The following KCNQ1 variants were observed in gnomAD, a reference collection of about 807,000 sequenced individuals.
KCNQ1 encodes the protein potassium voltage-gated channel subfamily Q member 1.
KCNQ1 carries 49 observed loss-of-function variants against 72.4 expected under a neutral mutation model. The ratio of observed to expected loss-of-function variants is 0.68; its 90% confidence interval spans 0.54 to 0.86. The LOEUF (loss-of-function observed/expected upper bound fraction) is 0.86, where lower values mean the gene tolerates loss of function less well. KCNQ1 is among the 40% of genes least tolerant of loss of function. KCNQ1 has a pLI of 0.00. For missense variants in KCNQ1, 790 were observed against 945.1 expected (o/e 0.84, Z 2.15); for synonymous variants, 450 against 412.6 (o/e 1.09, Z -1.10).
intron 10 of KCNQ1, chr11:2,614,271 C>T: frequency 2.5e-6 from 1 of 398,566 alleles, no homozygotes; most frequent in African/African-American, 2.1e-5. Context: ...GACATGTGTT[C>T]TCCATGTTGA....
chr11:2,733,857 C>CTCTCTCTCTCT lies in KCNQ1; in HGVS notation c.1515-34987_1515-34986insTCTCTCTCTCT, dbSNP rs147278439. ...TCTCTCTCTCTCTCTCTCTCTCTCT[C>CTCTCTCTCTCT]CCCCCCCACTTCAGGGCCTTCGCGC... is the stretch of plus-strand genomic sequence containing the variant. On this transcript the variant is annotated intron_variant, in intron 11 of 15. Transcript: ENST00000155840. Among the ~76,000 whole-genome samples, 62 of 76,342 alleles carry CTCTCTCTCTCT rather than the reference C, an allele frequency of 8.1e-4. 1 individual carries two copies. The highest frequency in any genetic ancestry group is 1.0e-3 in the African/African-American group (17 of 16,460). The allele number at this position is 76,342 out of a possible 152,430, so 50.1% of individuals were successfully genotyped here.
Position 2,606,892 on chromosome 11 carries a change from ATTTTTT to A in KCNQ1, c.1393+18061_1393+18066del, listed in dbSNP as rs869121696. Among the ~76,000 whole-genome samples, 205 of 82,758 alleles carry A rather than the reference ATTTTTT, an allele frequency of 2.5e-3. 1 individual carries two copies. Among genetic ancestry groups the A allele is most frequent in the Middle Eastern group, 0.015 (2 of 130 alleles). The allele number at this position is 82,758 out of a possible 152,430, so 54.3% of individuals were successfully genotyped here. ...ACTGTTAAGTATGATATTATCTGTG[ATTTTTT>A]TTTTTTTTTTTTTTTTTTTTTTGAG... On this transcript the variant is annotated intron_variant, in intron 10 of 15. Transcript: ENST00000155840.
rs370487443 is a variant in KCNQ1, at chr11:2,664,191, G to A, written c.1514+2110G>A. 5.0e-6 allele frequency: 2 copies of A among 398,612 alleles called. No homozygotes were observed. Among genetic ancestry groups the A allele is most frequent in the East Asian group, 3.6e-5 (1 of 28,082 alleles). The allele number at this position is 398,612 out of a possible 1,614,324, so 24.7% of individuals were successfully genotyped here. A position where few individuals can be genotyped will look rare whatever the true frequency, so the allele number is the denominator to read the frequency against. ...TGGCTGCTAGATATGAGCCAGCCTG[G>A]GAAGGCAGGAAGGAGCCCAGGCATG... On this transcript the variant is annotated intron_variant, in intron 11 of 15. Transcript: ENST00000155840. The surrounding 1 kb of genome is among the most constrained non-coding windows in gnomAD (Gnocchi z 5.1).
chr11:2,841,606 G>T (rs572279040), intron 15 of KCNQ1, among the ~76,000 whole-genome samples: 1 of 152,226 alleles, frequency 6.6e-6, no homozygotes, highest in Non-Finnish European at 1.5e-5. Context: ...CTGAGCTCCC[G>T]CTGGGACACG....
chr11:2,500,590 C>T (rs922151259), intron 1 of KCNQ1, among the ~76,000 whole-genome samples: 3 of 152,076 alleles, frequency 2.0e-5, no homozygotes, highest in South Asian at 2.1e-4. Flanking sequence ...TTTATTGCAC[C>T]ACTATTCACA....
In KCNQ1 at chr11:2,477,251, T is replaced by C. The variant is rs113021112; in HGVS notation, c.386+31767T>C. On this transcript the variant is annotated intron_variant, in intron 1 of 15. Transcript: ENST00000155840. This position sits in a 1 kb window ranked among gnomAD's most constrained non-coding sequence, Gnocchi z 5.0. ...TTCAAGGCAGGATGGAGATACCGTATGGGCATTCACTGGACAGTGTTTTCA... is the reference window on the plus strand; with the variant it reads ...TTCAAGGCAGGATGGAGATACCGTACGGGCATTCACTGGACAGTGTTTTCA... 3.3e-3 allele frequency among the ~76,000 whole-genome samples: 506 copies of C among 152,336 alleles called. 2 individuals carry two copies. Among genetic ancestry groups the C allele is most frequent in the African/African-American group, 0.011 (476 of 41,580 alleles).
chr11:2,627,330 T>C lies in KCNQ1; in HGVS notation c.1394-34631T>C. 1 of 398,546 alleles carries C rather than the reference T, an allele frequency of 2.5e-6. No individual in the cohort carries two copies. 24.7% of individuals were successfully genotyped at this position (398,546 alleles called of 1,614,324 possible). A position where few individuals can be genotyped will look rare whatever the true frequency, so the allele number is the denominator to read the frequency against. On this transcript the variant is annotated intron_variant, in intron 10 of 15. Transcript: ENST00000155840. The surrounding 1 kb of genome is among the most constrained non-coding windows in gnomAD (Gnocchi z 4.9). ...TGTGCGTGTGTGTGGTCAGAATACCTAAGCTATACTCTCTTAGCAAATTCC... is the reference window on the plus strand; with the variant it reads ...TGTGCGTGTGTGTGGTCAGAATACCCAAGCTATACTCTCTTAGCAAATTCC...
chr11:2,519,716 C>G (rs1375315521), intron 1 of KCNQ1, among the ~76,000 whole-genome samples: 1 of 152,190 alleles, frequency 6.6e-6, no homozygotes, highest in Non-Finnish European at 1.5e-5. Context: ...AATTCAAAAT[C>G]TACCAATAGT....
chr11:2,587,901 C>T lies in KCNQ1; in HGVS notation c.1251+209C>T, dbSNP rs545805070. Among the ~76,000 whole-genome samples the T allele has an allele frequency of 3.3e-3, 502 of 152,274 alleles. No homozygotes were observed. The highest frequency in any genetic ancestry group is 6.8e-3 in the Middle Eastern group (2 of 294). ...CCCCCGACTTGGGGGTATGTAGGAC[C>T]GGTCATTCCAGGGCCAGGGCATGAG... On this transcript the variant is annotated intron_variant, in intron 9 of 15. Coordinates refer to ENST00000155840, the MANE Select transcript of KCNQ1 (RefSeq NM_000218.3).
At position 2,597,006 on chromosome 11, in the gene KCNQ1, C is replaced by T. The variant is rs145541388; in HGVS notation, c.1393+8152C>T. 5.8e-3 allele frequency among the ~76,000 whole-genome samples: 881 copies of T among 152,190 alleles called. 5 individuals carry two copies. Among genetic ancestry groups the T allele is most frequent in the Non-Finnish European group, 9.5e-3 (646 of 67,994 alleles). ...GGCTAATTTAATTGCTATATAAAAA[C>T]GCTCTTGTAAATCAAGATAGAAGTT... On this transcript the variant is annotated intron_variant, in intron 10 of 15. Transcript: ENST00000155840.
rs749386491 is a variant in KCNQ1 at position 2,759,068 on chromosome 11, C to T, written c.1515-9776C>T. ...TTACTCCACCCATGCAAGGTGTGAC[C>T]GTCGCGAACTCACGTAGAGGGCATA... On this transcript the variant is annotated intron_variant, in intron 11 of 15. Coordinates refer to ENST00000155840, the MANE Select transcript of KCNQ1 (RefSeq NM_000218.3). The surrounding 1 kb of genome is among the most constrained non-coding windows in gnomAD (Gnocchi z 4.4). Among the ~76,000 whole-genome samples, 10 of 151,902 alleles carry T rather than the reference C, an allele frequency of 6.6e-5. No homozygotes were observed. Among genetic ancestry groups the T allele is most frequent in the Non-Finnish European group, 1.2e-4 (8 of 68,010 alleles).
Position 2,824,771 on chromosome 11 carries a change from C to T in KCNQ1, c.1795-22996C>T, listed in dbSNP as rs528401171. Among the ~76,000 whole-genome samples, 3 of 144,186 alleles carry T rather than the reference C, an allele frequency of 2.1e-5. No individual in the cohort carries two copies. The highest frequency in any genetic ancestry group is 6.8e-5 in the Admixed American group (1 of 14,746). The allele number at this position is 144,186 out of a possible 152,430, so 94.6% of individuals were successfully genotyped here. On this transcript the variant is annotated intron_variant, in intron 15 of 15. Coordinates refer to ENST00000155840, the MANE Select transcript of KCNQ1 (RefSeq NM_000218.3). The surrounding 1 kb of genome is among the most constrained non-coding windows in gnomAD (Gnocchi z 5.9). ...CCCCGGGACAGCTTTGAGGAAGGAA[C>T]GTCCCCTGGGTTCCACACCACAGAG... is the stretch of plus-strand genomic sequence containing the variant.
At chr11:2,570,447 A>G (rs923767415) in intron 2 of KCNQ1, among the ~76,000 whole-genome samples, 181 bp from the exon 3 acceptor site, 2 of 152,308 alleles carry the variant, frequency 1.3e-5, no homozygotes, top group Admixed American at 1.3e-4. Context: ...GAAGCTGCTC[A>G]GCCTTCCAGG....
intron 15 of KCNQ1, among the ~76,000 whole-genome samples, chr11:2,807,956 C>T (rs950377392): frequency 4.6e-5 from 7 of 152,202 alleles, no homozygotes; most frequent in African/African-American, 1.7e-4. Context: ...CTCCTGGAGC[C>T]TCGGTTTCCA....
intron 10 of KCNQ1, chr11:2,616,877 G>A: frequency 1.0e-5 from 4 of 398,014 alleles, no homozygotes; most frequent in Non-Finnish European, 1.3e-5. Flanking sequence ...GTCCATATAT[G>A]TTTGTAGGTC....
At chr11:2,807,172 A>G (rs1056777530) in intron 15 of KCNQ1, among the ~76,000 whole-genome samples, 6 of 152,232 alleles carry the variant, frequency 3.9e-5, no homozygotes, top group Non-Finnish European at 5.9e-5. Context: ...GAGGAAAGAA[A>G]TGCAGGTTCA....
chr11:2,777,535 G>A, intron 14 of KCNQ1: 1 of 540,162 alleles, frequency 1.9e-6, no homozygotes, highest in Non-Finnish European at 3.2e-6. Context: ...GAATGACAGG[G>A]AAAAGGCACA....
At chr11:2,846,628 C>T (rs753461810) in intron 15 of KCNQ1, among the ~76,000 whole-genome samples, 11 of 152,244 alleles carry the variant, frequency 7.2e-5, no homozygotes, top group Non-Finnish European at 1.5e-4. Flanking sequence ...CCCTGCTCCA[C>T]CCAGCACCTG....
rs1033077909 is a variant in KCNQ1, at chr11:2,537,955, A to G, written c.477+9937A>G. 5.9e-5 allele frequency among the ~76,000 whole-genome samples: 9 copies of G among 152,100 alleles called. No homozygotes were observed. The highest frequency in any genetic ancestry group is 1.9e-4 in the African/African-American group (8 of 41,410). On this transcript the variant is annotated intron_variant, in intron 2 of 15. Coordinates refer to ENST00000155840, the MANE Select transcript of KCNQ1 (RefSeq NM_000218.3). The surrounding 1 kb of genome is among the most constrained non-coding windows in gnomAD (Gnocchi z 5.2). ...GGTCTTAAACTCCTGAGTTCAAACAATCCTCCCACCTCGGCCAACCCAAAG... is the reference window on the plus strand; with the variant it reads ...GGTCTTAAACTCCTGAGTTCAAACAGTCCTCCCACCTCGGCCAACCCAAAG...
Sources: allele counts gnomAD v4.1 joint callset (sites outside exome capture counted in the v4.1 genomes callset), GRCh38; gene constraint gnomAD v4.1.1; non-coding constraint Gnocchi (gnomAD v3.1); transcripts MANE v1.5; gene names NCBI Gene and HGNC (gene_info 2026-07-23, HGNC 2026-07-21).